Variants in SLIT3 observed in about 807,000 individuals in gnomAD.
SLIT3 encodes the protein slit guidance ligand 3, also known as slit homolog 3 protein.
Under a neutral mutation model 184.0 loss-of-function variants are expected in SLIT3, and 68 were observed. The ratio of observed to expected loss-of-function variants is 0.37; its 90% CI spans 0.30 to 0.45. The LOEUF (loss-of-function observed/expected upper bound fraction) is 0.45, where lower values mean the gene tolerates loss of function less well. SLIT3 is among the 20% of genes least tolerant of loss of function. The pLI is 1.00. For missense variants in SLIT3, 1,707 were observed against 2,026.0 expected, an observed-to-expected ratio of 0.84 and a Z score of 3.02; for synonymous variants, 831 against 828.6, an observed-to-expected ratio of 1.00 and a Z score of -0.05.
Position 168,666,244 on chromosome 5 carries a change from A to G in SLIT3, c.*210T>C. Reference sequence around the variant, plus strand: ...TACATATACGCAGATGGTGTAATATATTTATATAATAAAAGATGAAAATAG... The same window carrying G: ...TACATATACGCAGATGGTGTAATATGTTTATATAATAAAAGATGAAAATAG... On this transcript the variant is annotated 3_prime_UTR_variant, in exon 36 of 36. Transcript: ENST00000519560. 1 of 467,768 alleles carries G rather than the reference A, an allele frequency of 2.1e-6. No homozygotes were observed. Among genetic ancestry groups the G allele is most frequent in the Non-Finnish European group, 3.7e-6 (1 of 270,450 alleles). 29.0% of individuals were successfully genotyped at this position (467,768 alleles called of 1,614,324 possible). A position where few individuals can be genotyped will look rare whatever the true frequency, so the allele number is the denominator to read the frequency against.
Position 169,300,584 on chromosome 5 carries a change from A to T in SLIT3, c.126T>A (p.Ala42=). ...CCAGCCCGTGGCAGTCCACGCTGGC[A>T]GCGGAGCAGGTACACTTGGTGGGGC... The part of the protein sequence containing the change: ...VACPTKCTCS[A]ASVDCHGLGL... Residue 42 remains alanine (A), a synonymous_variant, in exon 1 of 36, where the codon GCT becomes GCA. Coordinates refer to ENST00000519560, the MANE Select transcript of SLIT3 (RefSeq NM_003062.4). This position sits in a 1 kb window ranked among gnomAD's most constrained non-coding sequence, Gnocchi z 4.1. 6.6e-7 allele frequency: 1 copy of T among 1,513,874 alleles called. No individual in the cohort carries two copies. The highest frequency in any genetic ancestry group is 8.8e-7 in the Non-Finnish European group (1 of 1,135,106). 93.8% of individuals were successfully genotyped at this position (1,513,874 alleles called of 1,614,324 possible). A position where few individuals can be genotyped will look rare whatever the true frequency, so the allele number is the denominator to read the frequency against.
intron 1 of SLIT3, among the ~76,000 whole-genome samples, chr5:169,279,418 G>A (rs1034988944): frequency 6.6e-6 from 1 of 152,154 alleles, no homozygotes; most frequent in Non-Finnish European, 1.5e-5. Context: ...TTTTACGGAG[G>A]AGGAAACCTG....
At chr5:168,805,737 TG>T (rs1756931827) in intron 9 of SLIT3, among the ~76,000 whole-genome samples, 1 of 152,186 alleles carries the variant, frequency 6.6e-6, no homozygotes, top group Admixed American at 6.5e-5. Flanking sequence ...AAATCAGATC[TG>T]AGATAATTAA....
chr5:168,943,852 G>T (rs1334416159), intron 4 of SLIT3, among the ~76,000 whole-genome samples: 1 of 152,128 alleles, frequency 6.6e-6, no homozygotes, highest in Non-Finnish European at 1.5e-5. Flanking sequence ...AACTACAATG[G>T]CATTGAAGAA....
Position 168,662,398 on chromosome 5 carries a change from G to A in SLIT3, c.*4056C>T, listed in dbSNP as rs1156894637. ...TAGCTTTGTTTCTGGTGAAGGGAAA[G>A]GTTAGATCATCCTGGTCCTGGCCTT... On this transcript the variant is annotated 3_prime_UTR_variant, in exon 36 of 36. Transcript: ENST00000519560. The A allele has an allele frequency of 6.6e-6, 1 of 152,208 alleles. No individual in the cohort carries two copies. The highest frequency in any genetic ancestry group is 2.4e-5 in the African/African-American group (1 of 41,444). The allele number at this position is 152,208 out of a possible 1,614,324, so 9.4% of individuals were successfully genotyped here. A position where few individuals can be genotyped will look rare whatever the true frequency, so the allele number is the denominator to read the frequency against.
At chr5:168,766,376 G>C (rs940118979) in intron 14 of SLIT3, among the ~76,000 whole-genome samples, 1 of 152,208 alleles carries the variant, frequency 6.6e-6, no homozygotes, top group African/African-American at 2.4e-5. Flanking sequence ...AATAAGCAAA[G>C]GGTCATAAGT....
intron 8 of SLIT3, among the ~76,000 whole-genome samples, chr5:168,816,898 G>A (rs947713706): frequency 6.6e-6 from 1 of 152,192 alleles, no homozygotes; most frequent in African/African-American, 2.4e-5. Context: ...CCAAGCAGCT[G>A]ACTCCAGAGC....
At chr5:169,098,655 G>A (rs572195831) in intron 4 of SLIT3, among the ~76,000 whole-genome samples, 2 of 152,308 alleles carry the variant, frequency 1.3e-5, no homozygotes, top group African/African-American at 2.4e-5. Context: ...GGATGACATT[G>A]ATGTGCCCAC....
chr5:169,220,075 G>A (rs2113529504), intron 3 of SLIT3, among the ~76,000 whole-genome samples: 1 of 152,138 alleles, frequency 6.6e-6, no homozygotes, highest in South Asian at 2.1e-4. Context: ...CTCCAGCAGT[G>A]TCTCCTGGCT....
At chr5:169,225,796 G>T (rs900544369) in intron 3 of SLIT3, among the ~76,000 whole-genome samples, 44 of 152,222 alleles carry the variant, frequency 2.9e-4, no homozygotes, top group Middle Eastern at 3.2e-3. Flanking sequence ...CAGGGGCCAG[G>T]TGCTACTGAG....
intron 4 of SLIT3, among the ~76,000 whole-genome samples, chr5:169,110,700 G>C (rs1760378901): frequency 6.6e-6 from 1 of 152,090 alleles, no homozygotes; most frequent in Non-Finnish European, 1.5e-5. Context: ...TGTCTTTTTA[G>C]GGGACACAAT....
intron 1 of SLIT3, among the ~76,000 whole-genome samples, chr5:169,261,486 CCT>C (rs1050348144): frequency 6.6e-6 from 1 of 151,614 alleles, no homozygotes; most frequent in Non-Finnish European, 1.5e-5. Flanking sequence ...TCCTTTCCTC[CCT>C]CTCTCTCCTT....
At chr5:169,041,400 G>A (rs1013767723) in intron 4 of SLIT3, among the ~76,000 whole-genome samples, 16 of 152,072 alleles carry the variant, frequency 1.1e-4, no homozygotes, top group African/African-American at 1.4e-4. Flanking sequence ...GGATGGAGCC[G>A]AGTACTGGAT....
intron 4 of SLIT3, among the ~76,000 whole-genome samples, chr5:169,154,117 C>T (rs1328093222): frequency 1.3e-5 from 2 of 152,054 alleles, no homozygotes; most frequent in African/African-American, 4.8e-5. Context: ...GGACTACAGG[C>T]ACCCACCACC....
chr5:168,712,457 C>G (rs1762587985), intron 23 of SLIT3, 103 bp from the exon 24 acceptor site: 4 of 950,196 alleles, frequency 4.2e-6, no homozygotes, highest in Admixed American at 3.6e-5. Flanking sequence ...CAGTTTTGCT[C>G]AGAGCCCCAC....
At chr5:169,216,361 T>C (rs947192811) in intron 3 of SLIT3, among the ~76,000 whole-genome samples, 3 of 152,194 alleles carry the variant, frequency 2.0e-5, no homozygotes, top group African/African-American at 4.8e-5. Flanking sequence ...TCCGTCCCTT[T>C]TCCCTTCTCT....
At chr5:168,708,210 A>C (rs1561885668) in intron 25 of SLIT3, 110 bp from the exon 26 acceptor site, 2 of 1,471,860 alleles carry the variant, frequency 1.4e-6, no homozygotes, top group African/African-American at 2.8e-5. Flanking sequence ...CCCCTTCCCA[A>C]CTCCATGCCC....
At chr5:168,702,964 TGGTGGTGGA>T (rs1395416668) in intron 26 of SLIT3, among the ~76,000 whole-genome samples, 1 of 151,960 alleles carries the variant, frequency 6.6e-6, no homozygotes, top group East Asian at 1.9e-4. Context: ...ACTATGGCGG[TGGTGGTGGA>T]GGTGGTGGCA....
intron 4 of SLIT3, among the ~76,000 whole-genome samples, chr5:169,064,025 T>C (rs1477750564): frequency 6.6e-6 from 1 of 152,210 alleles, no homozygotes; most frequent in East Asian, 1.9e-4. Context: ...GTTAATATGA[T>C]GTAATTAGCA....
Sources: gnomAD v4.1 joint callset for allele counts (sites outside exome capture counted in the v4.1 genomes callset) on GRCh38, gnomAD v4.1.1 for gene constraint, Gnocchi (gnomAD v3.1) non-coding constraint, MANE v1.5 for transcripts, NCBI Gene and HGNC (gene_info 2026-07-23, HGNC 2026-07-21) for gene names.